TACR1: variants seen among roughly 807,000 people sequenced by gnomAD.
TACR1 encodes substance-P receptor.
In TACR1, 25 loss-of-function variants were observed where a neutral mutation model predicts 35.8. That is an observed-to-expected ratio of 0.70 (90% CI 0.51 to 0.98). The LOEUF (loss-of-function observed/expected upper bound fraction) is 0.98, where lower values mean the gene tolerates loss of function less well. TACR1 is among the 50% of genes least tolerant of loss of function. The pLI is 0.00. For missense variants in TACR1, 478 were observed against 522.9 expected (o/e 0.91, Z 0.84); for synonymous variants, 195 against 206.7 (o/e 0.94, Z 0.48).
intron 1 of TACR1, among the ~76,000 whole-genome samples, chr2:75,176,659 C>T (rs1359375549): frequency 6.6e-6 from 1 of 152,056 alleles, no homozygotes; most frequent in Non-Finnish European, 1.5e-5. Context: ...TCTGATGGAG[C>T]CCCAAGTACT....
intron 1 of TACR1, among the ~76,000 whole-genome samples, chr2:75,123,909 A>G (rs1379523613): frequency 6.6e-6 from 1 of 152,214 alleles, no homozygotes; most frequent in Non-Finnish European, 1.5e-5. Context: ...AACCAGCCTG[A>G]GCAATTCTTG....
At chr2:75,053,130 GC>G (rs1337547048) in intron 3 of TACR1, among the ~76,000 whole-genome samples, 4 of 152,096 alleles carry the variant, frequency 2.6e-5, no homozygotes, top group African/African-American at 9.7e-5. Context: ...ATACAGAGCT[GC>G]TCCATCACTG....
intron 1 of TACR1, among the ~76,000 whole-genome samples, chr2:75,143,346 A>G (rs1674446464): frequency 6.6e-6 from 1 of 152,248 alleles, no homozygotes; most frequent in Non-Finnish European, 1.5e-5. Context: ...TTCTGGAACA[A>G]GATGGAAATA....
At chr2:75,066,699 T>A (rs1037857506) in intron 2 of TACR1, among the ~76,000 whole-genome samples, 5 of 152,222 alleles carry the variant, frequency 3.3e-5, no homozygotes, top group African/African-American at 1.2e-4. Context: ...TTTCTTTTCT[T>A]AGCCAAAAGT....
intron 2 of TACR1, among the ~76,000 whole-genome samples, chr2:75,054,254 G>T (rs866035182): frequency 6.6e-6 from 1 of 152,182 alleles, no homozygotes; most frequent in African/African-American, 2.4e-5. Context: ...CAACTAGTAC[G>T]TTCAGTTGAG....
chr2:75,065,246 C>T (rs1672741521), intron 2 of TACR1, among the ~76,000 whole-genome samples: 1 of 152,220 alleles, frequency 6.6e-6, no homozygotes, highest in African/African-American at 2.4e-5. Flanking sequence ...ACACAGTGCC[C>T]ACCTCCCAAC....
intron 2 of TACR1, among the ~76,000 whole-genome samples, chr2:75,100,971 AAG>A (rs1376836908): frequency 2.0e-5 from 3 of 152,182 alleles, no homozygotes; most frequent in Non-Finnish European, 4.4e-5. Flanking sequence ...CAAGAAACAA[AAG>A]GAGACTTCCA....
At chr2:75,174,040 C>T (rs577403935) in intron 1 of TACR1, among the ~76,000 whole-genome samples, 1 of 152,282 alleles carries the variant, frequency 6.6e-6, no homozygotes, top group Non-Finnish European at 1.5e-5. Context: ...CACACACTCT[C>T]CTGCCTCACT....
At chr2:75,054,494 C>G (rs1403640273) in intron 2 of TACR1, among the ~76,000 whole-genome samples, 1 of 152,120 alleles carries the variant, frequency 6.6e-6, no homozygotes, top group African/African-American at 2.4e-5. Flanking sequence ...CAGGTGCCAA[C>G]TGACTCACGT....
intron 1 of TACR1, among the ~76,000 whole-genome samples, chr2:75,131,310 G>C (rs1016418247): frequency 8.6e-5 from 13 of 151,962 alleles, no homozygotes; most frequent in African/African-American, 2.9e-4. Flanking sequence ...GGATGGTCTC[G>C]ATCTCCTGAC....
At chr2:75,123,871 A>G (rs551872749) in intron 1 of TACR1, among the ~76,000 whole-genome samples, 1 of 152,338 alleles carries the variant, frequency 6.6e-6, no homozygotes, top group South Asian at 2.1e-4. Flanking sequence ...GCTAGGATTC[A>G]TTAACATACA....
At chr2:75,128,511 G>A (rs891358310) in intron 1 of TACR1, among the ~76,000 whole-genome samples, 11 of 152,220 alleles carry the variant, frequency 7.2e-5, no homozygotes, top group African/African-American at 2.4e-4. Context: ...AGGTGGGCCA[G>A]ACAGTAAGCA....
intron 1 of TACR1, among the ~76,000 whole-genome samples, chr2:75,132,966 C>T (rs1262903780): frequency 6.6e-6 from 1 of 152,180 alleles, no homozygotes; most frequent in Non-Finnish European, 1.5e-5. Context: ...GCAGGCTAGG[C>T]ATTCGTTTCT....
intron 1 of TACR1, among the ~76,000 whole-genome samples, chr2:75,150,456 AG>A (rs1206840407): frequency 6.6e-6 from 1 of 152,142 alleles, no homozygotes; most frequent in Non-Finnish European, 1.5e-5. Flanking sequence ...ATAGTGAATG[AG>A]TCTCATGAGA....
chr2:75,095,499 G>A (rs1273640360), intron 2 of TACR1, among the ~76,000 whole-genome samples: 2 of 152,152 alleles, frequency 1.3e-5, no homozygotes, highest in Admixed American at 6.6e-5. Flanking sequence ...GAGGGAGGGC[G>A]TTTCGAGAGG....
At chr2:75,190,561 T>A (rs1432198530) in intron 1 of TACR1, among the ~76,000 whole-genome samples, 1 of 152,222 alleles carries the variant, frequency 6.6e-6, no homozygotes, top group East Asian at 1.9e-4. Context: ...TGATTGTGTG[T>A]CAGAGTTTAC....
chr2:75,194,395 G>A (rs963583528), intron 1 of TACR1, among the ~76,000 whole-genome samples: 1 of 152,158 alleles, frequency 6.6e-6, no homozygotes, highest in African/African-American at 2.4e-5. Context: ...AGGGCCATCC[G>A]AATTAGTGCA....
intron 2 of TACR1, among the ~76,000 whole-genome samples, chr2:75,110,994 G>A (rs2103888330): frequency 6.6e-6 from 1 of 151,970 alleles, no homozygotes; most frequent in South Asian, 2.1e-4. Flanking sequence ...AGGAAAAATT[G>A]TATACATTAT....
chr2:75,092,685 A>C (rs1228516159), intron 2 of TACR1, among the ~76,000 whole-genome samples: 1 of 152,112 alleles, frequency 6.6e-6, no homozygotes, highest in Non-Finnish European at 1.5e-5. Context: ...ACACTGGTTG[A>C]GTGTAGACTG....
Sources: allele counts gnomAD v4.1 joint callset (sites outside exome capture counted in the v4.1 genomes callset), GRCh38; gene constraint gnomAD v4.1.1; transcripts MANE v1.5; gene names NCBI Gene and HGNC (gene_info 2026-07-23, HGNC 2026-07-21).